SPATA17: variants seen among roughly 807,000 people sequenced by gnomAD.
SPATA17 encodes the protein spermatogenesis associated 17, also known as spermatogenesis-associated protein 17.
In SPATA17, 53 loss-of-function variants were observed where a neutral mutation model predicts 62.2. The ratio of observed to expected loss-of-function variants is 0.85; its 90% CI spans 0.68 to 1.07. The LOEUF is 1.07. SPATA17 is among the 50% of genes least tolerant of loss of function. The pLI is 0.00. For missense variants in SPATA17, 466 were observed against 425.5 expected, an observed-to-expected ratio of 1.10 and a Z score of -0.84; for synonymous variants, 146 against 146.8, an observed-to-expected ratio of 0.99 and a Z score of 0.04.
intron 4 of SPATA17, among the ~76,000 whole-genome samples, chr1:217,677,806 G>T (rs1322881480): frequency 6.6e-6 from 1 of 152,162 alleles, no homozygotes; most frequent in African/African-American, 2.4e-5. Flanking sequence ...GAATATTAAA[G>T]AGAGGAAACT....
At chr1:217,740,434 A>G (rs890178786) in intron 5 of SPATA17, among the ~76,000 whole-genome samples, 15 of 152,110 alleles carry the variant, frequency 9.9e-5, no homozygotes, top group African/African-American at 3.4e-4. Flanking sequence ...TTTCCCAGCA[A>G]AAGTTCTTAT....
At chr1:217,821,102 A>T (rs1674848700) in intron 9 of SPATA17, among the ~76,000 whole-genome samples, 1 of 152,044 alleles carries the variant, frequency 6.6e-6, no homozygotes, top group Non-Finnish European at 1.5e-5. Flanking sequence ...CAGTGGCACC[A>T]AGCCATTCAT....
intron 6 of SPATA17, 114 bp from the exon 7 acceptor site, chr1:217,774,220 C>T: frequency 1.2e-6 from 1 of 824,474 alleles, no homozygotes; most frequent in Non-Finnish European, 1.9e-6. Context: ...TTAAGAACCA[C>T]AGTTGTAGTT....
intron 4 of SPATA17, among the ~76,000 whole-genome samples, chr1:217,672,041 C>T (rs756634617): frequency 4.6e-5 from 7 of 152,168 alleles, no homozygotes; most frequent in Non-Finnish European, 8.8e-5. Context: ...GTGACTGGAA[C>T]TGAAGCTGTC....
At chr1:217,693,186 T>G (rs1325785237) in intron 5 of SPATA17, among the ~76,000 whole-genome samples, 2 of 151,670 alleles carry the variant, frequency 1.3e-5, no homozygotes, top group East Asian at 3.9e-4. Context: ...ATTGGTCTAT[T>G]CAGAGATTCA....
chr1:217,712,429 A>T (rs1408227999), intron 5 of SPATA17, among the ~76,000 whole-genome samples: 5 of 151,996 alleles, frequency 3.3e-5, no homozygotes, highest in South Asian at 4.1e-4. Context: ...CCTGGCCTAC[A>T]ATATGTTCTT....
intron 9 of SPATA17, among the ~76,000 whole-genome samples, chr1:217,807,887 C>T (rs961261397): frequency 1.4e-4 from 21 of 152,112 alleles, no homozygotes; most frequent in African/African-American, 4.8e-4. Flanking sequence ...TCTTTTCTTT[C>T]CCTCATACAT....
intron 1 of SPATA17, among the ~76,000 whole-genome samples, chr1:217,644,939 C>A (rs967427285): frequency 7.9e-5 from 12 of 151,856 alleles, no homozygotes; most frequent in African/African-American, 2.9e-4. Flanking sequence ...ATTAATATAC[C>A]ATTAAAATAA....
intron 5 of SPATA17, among the ~76,000 whole-genome samples, chr1:217,725,705 G>A (rs937215290): frequency 7.2e-5 from 11 of 152,014 alleles, no homozygotes; most frequent in Non-Finnish European, 1.5e-4. Context: ...TCAAGTGATC[G>A]GCCCGTCTCA....
Position 217,681,240 on chromosome 1 carries a change from A to G in SPATA17, c.292-2018A>G, listed in dbSNP as rs943127573. 5.3e-5 allele frequency among the ~76,000 whole-genome samples: 8 copies of G among 151,904 alleles called. No individual in the cohort carries two copies. The South Asian group carries it at 6.2e-4, about 12-fold the overall frequency. Reference sequence around the variant, plus strand: ...GACTCTGTCTCAAAAATAAATAAATAAATAAATAAAATAAAATAAAGTTAT... The same window carrying G: ...GACTCTGTCTCAAAAATAAATAAATGAATAAATAAAATAAAATAAAGTTAT... On this transcript the variant is annotated intron_variant, in intron 4 of 10. Coordinates refer to ENST00000366933, the MANE Select transcript of SPATA17 (RefSeq NM_138796.4).
intron 7 of SPATA17, among the ~76,000 whole-genome samples, chr1:217,779,718 T>C (rs1474061109): frequency 1.3e-5 from 2 of 152,028 alleles, no homozygotes; most frequent in Non-Finnish European, 2.9e-5. Context: ...GTGTTACCAA[T>C]AATAAAAAAG....
chr1:217,850,299 C>T (rs1675619369), intron 9 of SPATA17: 1 of 442,388 alleles, frequency 2.3e-6, no homozygotes, highest in South Asian at 3.2e-5. Flanking sequence ...TGAACAGGTT[C>T]AACTATTACT....
Position 217,672,733 on chromosome 1 carries a change from A to T in SPATA17, c.291+3650A>T, listed in dbSNP as rs1670859570. Among the ~76,000 whole-genome samples the T allele has an allele frequency of 2.0e-5, 3 of 152,112 alleles. No homozygotes were observed. In the South Asian group the frequency reaches 6.2e-4, roughly 31 times the overall value. On this transcript the variant is annotated intron_variant, in intron 4 of 10. Coordinates refer to ENST00000366933, the MANE Select transcript of SPATA17 (RefSeq NM_138796.4). ...TTAAAGGGTCACCTTTTCTCTAAAGACTTTATGATCCCCCTACCCCTGTAG... is the reference window on the plus strand; with the variant it reads ...TTAAAGGGTCACCTTTTCTCTAAAGTCTTTATGATCCCCCTACCCCTGTAG...
At chr1:217,853,300 A>T (rs1306547015) in intron 9 of SPATA17, among the ~76,000 whole-genome samples, 1 of 152,202 alleles carries the variant, frequency 6.6e-6, no homozygotes, top group Non-Finnish European at 1.5e-5. Flanking sequence ...ACTTAAATGA[A>T]AATTATTTCA....
chr1:217,674,347 T>C (rs1007415103), intron 4 of SPATA17, among the ~76,000 whole-genome samples: 4 of 152,218 alleles, frequency 2.6e-5, no homozygotes, highest in Admixed American at 6.5e-5. Flanking sequence ...TCTAGATCAA[T>C]GCTCTTTTGA....
chr1:217,862,447 C>T (rs1361975521), intron 9 of SPATA17, among the ~76,000 whole-genome samples: 1 of 152,128 alleles, frequency 6.6e-6, no homozygotes, highest in African/African-American at 2.4e-5. Context: ...AAACAAAGTA[C>T]CAATCCCTAT....
At chr1:217,768,194 G>A (rs971116384) in intron 6 of SPATA17, among the ~76,000 whole-genome samples, 2 of 151,980 alleles carry the variant, frequency 1.3e-5, no homozygotes, top group African/African-American at 2.4e-5. Context: ...GCAGTGAGCC[G>A]AGATCGCTCC....
At chr1:217,850,540 C>T in intron 9 of SPATA17, 1 of 1,590,458 alleles carries the variant, frequency 6.3e-7, no homozygotes, top group Non-Finnish European at 8.6e-7. Context: ...CCTTCCTTAT[C>T]CTGGATATTG....
At chr1:217,656,128 C>T (rs1336674559) in intron 3 of SPATA17, among the ~76,000 whole-genome samples, 1 of 152,022 alleles carries the variant, frequency 6.6e-6, no homozygotes, top group African/African-American at 2.4e-5. Context: ...AGATGATCCA[C>T]CCGCCTTGGC....
Sources: gnomAD v4.1 joint callset for allele counts (sites outside exome capture counted in the v4.1 genomes callset) on GRCh38, gnomAD v4.1.1 for gene constraint, MANE v1.5 for transcripts, NCBI Gene and HGNC (gene_info 2026-07-23, HGNC 2026-07-21) for gene names.